The following VPS35 variants were observed in gnomAD, a reference collection of about 807,000 sequenced individuals.
VPS35 encodes the protein VPS35 retromer complex component, also known as vacuolar protein sorting-associated protein 35.
A neutral mutation model predicts 98.1 loss-of-function variants in VPS35; 21 were observed. That is an observed-to-expected ratio of 0.21 (90% CI 0.15 to 0.31). The LOEUF (loss-of-function observed/expected upper bound fraction) is 0.31, where lower values mean the gene tolerates loss of function less well. Among genes scored for constraint, VPS35 ranks in the 10% least tolerant of loss-of-function variants. VPS35 has a pLI of 1.00. For missense variants in VPS35, 554 were observed against 950.8 expected, an observed-to-expected ratio of 0.58 and a Z score of 5.49; for synonymous variants, 268 against 318.2, an observed-to-expected ratio of 0.84 and a Z score of 1.68.
Position 46,676,706 on chromosome 16 carries a change from G to C in VPS35, c.805-14C>G. ...ATCAGGGAAAACCTGAAAATCAAAT[G>C]ATCAATACAAATAAAAGTATTTCAC... is the stretch of plus-strand genomic sequence containing the variant. On this transcript the variant is annotated splice_polypyrimidine_tract_variant and intron_variant, in intron 7 of 16. Coordinates refer to ENST00000299138, the MANE Select transcript of VPS35 (RefSeq NM_018206.6). 6.5e-7 allele frequency: 1 copy of C among 1,534,846 alleles called. No individual in the cohort carries two copies. Among genetic ancestry groups the C allele is most frequent in the African/African-American group, 1.4e-5 (1 of 73,436 alleles).
chr16:46,681,420 G>C lies in VPS35; in HGVS notation c.280C>G (p.Leu94Val). ...EFAKGRKVAD[L>V]YELVQYAGNI... is the part of the protein sequence containing the mutation. The stretch of plus-strand genomic sequence containing the variant: ...CCAGCATACTGTACAAGTTCGTAGA[G>C]ATCTGCCACTTTCCTTCCTTTAGCA... Residue 94 changes from leucine (L) to valine (V), a missense_variant, in exon 4 of 17, where the codon CTC (leucine) becomes GTC (valine). By Grantham distance (32) the Leu-to-Val change is conservative. This residue lies in a region of VPS35 where 77 missense variants were observed against 222.3 expected (regional missense o/e 0.35). Coordinates refer to ENST00000299138, the MANE Select transcript of VPS35 (RefSeq NM_018206.6). 1 of 1,613,752 alleles carries C rather than the reference G, an allele frequency of 6.2e-7. No homozygotes were observed. Among genetic ancestry groups the C allele is most frequent in the Non-Finnish European group, 8.5e-7 (1 of 1,179,782 alleles).
intron 4 of VPS35, among the ~76,000 whole-genome samples, 179 bp from the exon 5 acceptor site, chr16:46,681,032 T>TACACATAC (rs1966226379): frequency 7.0e-6 from 1 of 142,008 alleles, no homozygotes; most frequent in Non-Finnish European, 1.6e-5. Context: ...AAAAAAACTA[T>TACACATAC]ACACACACAC....
chr16:46,662,002 G>T, intron 15 of VPS35, 141 bp from the exon 16 acceptor site: 1 of 1,365,340 alleles, frequency 7.3e-7, no homozygotes, highest in Non-Finnish European at 1.0e-6. Context: ...CCTTCTTCTT[G>T]TTTTGAAGTA....
At chr16:46,682,220 A>C in intron 2 of VPS35, 45 bp from the exon 3 acceptor site, 1 of 1,399,950 alleles carries the variant, frequency 7.1e-7, no homozygotes, top group Non-Finnish European at 1.0e-6. Flanking sequence ...TAATTTAAAT[A>C]AACATTTATC....
Position 46,657,606 on chromosome 16 carries a change from GC to G in VPS35, c.*2865del. 6.6e-6 allele frequency: 1 copy of G among 152,308 alleles called. No homozygotes were observed. Among genetic ancestry groups the G allele is most frequent in the Non-Finnish European group, 1.5e-5 (1 of 68,056 alleles). 9.4% of individuals were successfully genotyped at this position (152,308 alleles called of 1,614,324 possible). On this transcript the variant is annotated 3_prime_UTR_variant, in exon 17 of 17. Coordinates refer to ENST00000299138, the MANE Select transcript of VPS35 (RefSeq NM_018206.6). ...CTCTCTCTTTGAGCAGTGTCTATCA[GC>G]AGGGGCTGTTTTTGCAGTTCATTAA...
At position 46,661,906 on chromosome 16, in the gene VPS35, T is replaced by C; in HGVS notation, c.2068-45A>G. On this transcript the variant is annotated intron_variant, in intron 15 of 16. Transcript: ENST00000299138. This position sits in a 1 kb window ranked among gnomAD's most constrained non-coding sequence, Gnocchi z 4.3. ...GGACAGTGAAGAGATTAATGAAACA[T>C]CTCGTTTTCATACAAAGAAACACAA... 8 of 1,612,960 alleles carry C rather than the reference T, an allele frequency of 5.0e-6. No homozygotes were observed. Among genetic ancestry groups the C allele is most frequent in the Non-Finnish European group, 6.8e-6 (8 of 1,179,426 alleles).
chr16:46,682,270 A>G, intron 2 of VPS35, 95 bp from the exon 3 acceptor site: 2 of 964,244 alleles, frequency 2.1e-6, no homozygotes, highest in Non-Finnish European at 3.3e-6. Flanking sequence ...CTTGTTACAT[A>G]GTTTTAAAAG....
rs1328289525 is a variant in VPS35 at position 46,657,580 on chromosome 16, CCTCT to C, written c.*2888_*2891del. The stretch of plus-strand genomic sequence containing the variant: ...CTCTGGTGCCTGATCAACTCAAACG[CCTCT>C]CTCTTTGAGCAGTGTCTATCAGCAG... On this transcript the variant is annotated 3_prime_UTR_variant, in exon 17 of 17. Coordinates refer to ENST00000299138, the MANE Select transcript of VPS35 (RefSeq NM_018206.6). 3 of 152,154 alleles carry C rather than the reference CCTCT, an allele frequency of 2.0e-5. No individual in the cohort carries two copies. The highest frequency in any genetic ancestry group is 7.2e-5 in the African/African-American group (3 of 41,418). The allele number at this position is 152,154 out of a possible 1,614,324, so 9.4% of individuals were successfully genotyped here. A position where few individuals can be genotyped will look rare whatever the true frequency, so the allele number is the denominator to read the frequency against.
At position 46,661,117 on chromosome 16, in the gene VPS35, C is replaced by T. The variant is rs1965909067; in HGVS notation, c.2212-466G>A. ...AGCTGAGATTGCCACTGCACTCCAG[C>T]CTGGGTGACAGAGCCAGACTCTGTC... On this transcript the variant is annotated intron_variant, in intron 16 of 16. Transcript: ENST00000299138. This position sits in a 1 kb window ranked among gnomAD's most constrained non-coding sequence, Gnocchi z 4.3. Among the ~76,000 whole-genome samples, 1 of 152,092 alleles carries T rather than the reference C, an allele frequency of 6.6e-6. No homozygotes were observed. The highest frequency in any genetic ancestry group is 2.1e-4 in the South Asian group (1 of 4,822).
chr16:46,661,131 C>G lies in VPS35; in HGVS notation c.2212-480G>C, dbSNP rs1965909272. 6.6e-6 allele frequency among the ~76,000 whole-genome samples: 1 copy of G among 151,944 alleles called. No individual in the cohort carries two copies. Among genetic ancestry groups the G allele is most frequent in the Admixed American group, 6.6e-5 (1 of 15,254 alleles). ...CTGCACTCCAGCCTGGGTGACAGAG[C>G]CAGACTCTGTCAAAAAAAGAAAAAC... On this transcript the variant is annotated intron_variant, in intron 16 of 16. Transcript: ENST00000299138. The surrounding 1 kb of genome is among the most constrained non-coding windows in gnomAD (Gnocchi z 4.3).
At chr16:46,671,060 T>A (rs1212163028) in intron 12 of VPS35, among the ~76,000 whole-genome samples, 1 of 151,838 alleles carries the variant, frequency 6.6e-6, no homozygotes, top group Non-Finnish European at 1.5e-5. Flanking sequence ...ACATGTTTTA[T>A]CCATTTCACA....
At position 46,663,085 on chromosome 16, in the gene VPS35, C is replaced by T; in HGVS notation, c.1725G>A (p.Glu575=). The T allele has an allele frequency of 6.2e-7, 1 of 1,614,210 alleles. No individual in the cohort carries two copies. Among genetic ancestry groups the T allele is most frequent in the Non-Finnish European group, 8.5e-7 (1 of 1,180,026 alleles). The change falls in exon 14 of 17, where the codon GAG becomes GAA. Residue 575 remains glutamate (E), a synonymous_variant. Transcript: ENST00000299138. The part of the protein sequence containing the change: ...HQTISALIKA[E]LAELPLRLFL... Reference sequence around the variant, plus strand: ...AAAGTCTTAAGGGCAATTCTGCCAGCTCTGCTTTGATCAAAGCACTGATAG... The same window carrying T: ...AAAGTCTTAAGGGCAATTCTGCCAGTTCTGCTTTGATCAAAGCACTGATAG...
Position 46,661,728 on chromosome 16 carries a change from T to G in VPS35, c.2201A>C (p.Glu734Ala). The change falls in exon 16 of 17, where the codon GAA (glutamate) becomes GCA (alanine). Residue 734 changes from glutamate (E) to alanine (A), a missense_variant. Around this residue, in one of 5 missense-constraint regions of VPS35, gnomAD observed 153 missense variants for 211.0 expected, o/e 0.73. Transcript: ENST00000299138. The surrounding 1 kb of genome is among the most constrained non-coding windows in gnomAD (Gnocchi z 4.3). ...LNRYIYFYEK[E>A]NDAVTIQVLN... ...TACTAATTCACTTACCGCATCATTT[T>G]CCTTTTCATAAAAATAGATATATCT... 6.2e-7 allele frequency: 1 copy of G among 1,609,046 alleles called. No individual in the cohort carries two copies. The highest frequency in any genetic ancestry group is 8.5e-7 in the Non-Finnish European group (1 of 1,175,458).
chr16:46,682,329 C>A, intron 2 of VPS35, 154 bp from the exon 3 acceptor site: 1 of 648,628 alleles, frequency 1.5e-6, no homozygotes, highest in Non-Finnish European at 2.7e-6. Context: ...CAACTTAGAT[C>A]GGTTCACCTT....
chr16:46,688,584 C>T lies in VPS35; in HGVS notation c.3+547G>A, dbSNP rs1966361635. ...TCCAGGAAATTCATGTAAGCAGGTC[C>T]CCAGAACTCGCTGACAAACACTGCA... On this transcript the variant is annotated intron_variant, in intron 1 of 16. Transcript: ENST00000299138. 10 of 996,826 alleles carry T rather than the reference C, an allele frequency of 1.0e-5. No homozygotes were observed. The South Asian group carries it at 3.9e-4, about 38-fold the overall frequency. 61.7% of individuals were successfully genotyped at this position (996,826 alleles called of 1,614,324 possible).
intron 4 of VPS35, among the ~76,000 whole-genome samples, chr16:46,681,132 AAT>A (rs1363521824): frequency 3.3e-5 from 5 of 152,098 alleles, no homozygotes; most frequent in Non-Finnish European, 7.4e-5. Flanking sequence ...TAATTTTTCT[AAT>A]AGTCAAGACA....
Position 46,689,117 on chromosome 16 carries a change from C to G in VPS35, c.3+14G>C. The G allele has an allele frequency of 1.9e-6, 3 of 1,608,746 alleles. No homozygotes were observed. Among genetic ancestry groups the G allele is most frequent in the Non-Finnish European group, 2.5e-6 (3 of 1,178,340 alleles). ...GAGGGTCGACCCAGGTGCCACTGCC[C>G]CCTCAGCACTCACCATGGCGACTCC... is the stretch of plus-strand genomic sequence containing the variant. On this transcript the variant is annotated intron_variant, in intron 1 of 16. Coordinates refer to ENST00000299138, the MANE Select transcript of VPS35 (RefSeq NM_018206.6).
In VPS35 at chr16:46,681,445, A is replaced by C; in HGVS notation, c.255T>G (p.Phe85Leu). The change falls in exon 4 of 17, where the codon TTT becomes TTG. Residue 85 changes from phenylalanine to leucine, a missense_variant. Phe to Leu is a conservative substitution (Grantham distance 22). Transcript: ENST00000299138. The stretch of plus-strand genomic sequence containing the variant: ...GATCTGCCACTTTCCTTCCTTTAGC[A>C]AACTCATCTGTCAGGTAGACCTCCA... ...HYLEVYLTDE[F>L]AKGRKVADLY... is the part of the protein sequence containing the mutation. The C allele has an allele frequency of 6.2e-7, 1 of 1,613,740 alleles. No individual in the cohort carries two copies. The highest frequency in any genetic ancestry group is 8.5e-7 in the Non-Finnish European group (1 of 1,179,772).
chr16:46,666,403 G>A (rs930418321), intron 13 of VPS35, among the ~76,000 whole-genome samples: 1 of 151,954 alleles, frequency 6.6e-6, no homozygotes, highest in Non-Finnish European at 1.5e-5. Flanking sequence ...CGAGTAGCTG[G>A]GACTACAGGC....
Sources: allele counts gnomAD v4.1 joint callset (sites outside exome capture counted in the v4.1 genomes callset), GRCh38; gene constraint gnomAD v4.1.1; regional missense constraint gnomAD v4.1.1; non-coding constraint Gnocchi (gnomAD v3.1); transcripts MANE v1.5; gene names NCBI Gene and HGNC (gene_info 2026-07-23, HGNC 2026-07-21).